Variants in LRRC4B observed in about 807,000 individuals in gnomAD.
The protein encoded by LRRC4B is leucine-rich repeat-containing protein 4B.
Under a neutral mutation model 7.3 loss-of-function variants are expected in LRRC4B, and 1 was observed. The observed-to-expected ratio is 0.14, with a 90% CI of 0.05 to 0.65. The LOEUF (loss-of-function observed/expected upper bound fraction) is 0.65. LRRC4B is among the 30% of genes least tolerant of loss of function. The pLI is 0.84. For missense variants in LRRC4B, 730 were observed against 1,041.6 expected, an observed-to-expected ratio of 0.70 and a Z score of 4.12; for synonymous variants, 500 against 499.2, an observed-to-expected ratio of 1.00 and a Z score of -0.02.
intron 2 of LRRC4B, among the ~76,000 whole-genome samples, chr19:50,532,790 G>A (rs1053024878): frequency 2.4e-4 from 36 of 152,240 alleles, no homozygotes; most frequent in African/African-American, 8.4e-4. Context: ...CCAAATTCGT[G>A]ACAGACTTCG....
chr19:50,547,440 T>C (rs991982936), intron 2 of LRRC4B, among the ~76,000 whole-genome samples: 8 of 151,976 alleles, frequency 5.3e-5, no homozygotes, highest in South Asian at 2.1e-4. Context: ...GCCGCATTTC[T>C]TACGGGAGCT....
intron 2 of LRRC4B, among the ~76,000 whole-genome samples, chr19:50,533,309 C>A (rs954910763): frequency 1.3e-5 from 2 of 152,130 alleles, no homozygotes; most frequent in African/African-American, 4.8e-5. Flanking sequence ...CTTCTCTCTA[C>A]TGTATTAGAA....
chr19:50,537,141 A>G lies in LRRC4B; in HGVS notation c.297+11401T>C, dbSNP rs1981328046. Among the ~76,000 whole-genome samples the G allele has an allele frequency of 1.3e-5, 2 of 152,168 alleles. No individual in the cohort carries two copies. The highest frequency in any genetic ancestry group is 4.8e-5 in the African/African-American group (2 of 41,448). On this transcript the variant is annotated intron_variant, in intron 2 of 2. Coordinates refer to ENST00000652263, the MANE Select transcript of LRRC4B (RefSeq NM_001080457.2). The surrounding 1 kb of genome is among the most constrained non-coding windows in gnomAD (Gnocchi z 5.5). Reference sequence around the variant, plus strand: ...GTCACCAGGGTGCAGCGCCAGGGATAGCTACGAATTAGGAAGCATTACGAA... The same window carrying G: ...GTCACCAGGGTGCAGCGCCAGGGATGGCTACGAATTAGGAAGCATTACGAA...
chr19:50,564,463 G>C (rs1419442437), intron 1 of LRRC4B, among the ~76,000 whole-genome samples: 1 of 151,944 alleles, frequency 6.6e-6, no homozygotes, highest in African/African-American at 2.4e-5. Flanking sequence ...ACAAAGAAGG[G>C]AGGCACAGAG....
At chr19:50,567,826 C>A (rs1401292132) in intron 1 of LRRC4B, 118 bp downstream of exon 1, 1 of 139,924 alleles carries the variant, frequency 7.1e-6, no homozygotes, top group Non-Finnish European at 1.6e-5. Context: ...GCCATCCCCC[C>A]CCATCCCGGA....
chr19:50,517,481 C>T lies in LRRC4B; in HGVS notation c.*90G>A. Reference sequence around the variant, plus strand: ...GCGTGGTCCCAGAAGGTGGGCTGGGCTGTGGGAGGGAGGGGTCCCGGTCAG... The same window carrying T: ...GCGTGGTCCCAGAAGGTGGGCTGGGTTGTGGGAGGGAGGGGTCCCGGTCAG... On this transcript the variant is annotated 3_prime_UTR_variant, in exon 3 of 3. Transcript: ENST00000652263. This position sits in a 1 kb window ranked among gnomAD's most constrained non-coding sequence, Gnocchi z 6.6. 8.5e-7 allele frequency: 1 copy of T among 1,182,994 alleles called. No individual in the cohort carries two copies. The highest frequency in any genetic ancestry group is 1.1e-6 in the Non-Finnish European group (1 of 915,340). The allele number at this position is 1,182,994 out of a possible 1,614,324, so 73.3% of individuals were successfully genotyped here.
chr19:50,518,195 C>G lies in LRRC4B; in HGVS notation c.1518G>C (p.Pro506=). ...CTGGCGGTTCCTTCTCCGTCCCCCG[C>G]GGCTGCAGGGCCTCCTCTCCGGGCT... The part of the protein sequence containing the change: ...ETQPGEEALQ[P]RGTEKEPPGP... Residue 506 remains proline (P), a synonymous_variant, in exon 3 of 3, where the codon CCG becomes CCC. Coordinates refer to ENST00000652263, the MANE Select transcript of LRRC4B (RefSeq NM_001080457.2). 3.1e-6 allele frequency: 5 copies of G among 1,608,486 alleles called. No homozygotes were observed. The highest frequency in any genetic ancestry group is 4.2e-6 in the Non-Finnish European group (5 of 1,178,792).
intron 1 of LRRC4B, among the ~76,000 whole-genome samples, chr19:50,550,108 A>G (rs1212988799): frequency 6.6e-6 from 1 of 152,122 alleles, no homozygotes; most frequent in Non-Finnish European, 1.5e-5. Flanking sequence ...CGGTCATCTC[A>G]TGTGAGCCTC....
chr19:50,526,987 G>A (rs1980837296), intron 2 of LRRC4B, among the ~76,000 whole-genome samples: 1 of 149,990 alleles, frequency 6.7e-6, no homozygotes, highest in African/African-American at 2.4e-5. Flanking sequence ...ATGAGTAGCT[G>A]GGATTACAGG....
rs534655982 is a variant in LRRC4B, at chr19:50,548,815, C to T, written c.24G>A (p.Pro8=). 77 of 1,350,488 alleles carry T rather than the reference C, an allele frequency of 5.7e-5. No homozygotes were observed. The East Asian group carries it at 2.0e-3, about 34-fold the overall frequency. 83.7% of individuals were successfully genotyped at this position (1,350,488 alleles called of 1,614,324 possible). A position where few individuals can be genotyped will look rare whatever the true frequency, so the allele number is the denominator to read the frequency against. MARARGS[P]CPPLPPGRMS... is the part of the protein sequence containing the mutation. The stretch of plus-strand genomic sequence containing the variant: ...TCCTACCGGGCGGCAGCGGGGGGCA[C>T]GGGGAGCCGCGGGCACGCGCCATCC... The change falls in exon 2 of 3, where the codon CCG becomes CCA. Residue 8 remains proline, a synonymous_variant. Coordinates refer to ENST00000652263, the MANE Select transcript of LRRC4B (RefSeq NM_001080457.2). This position sits in a 1 kb window ranked among gnomAD's most constrained non-coding sequence, Gnocchi z 6.8.
intron 1 of LRRC4B, among the ~76,000 whole-genome samples, chr19:50,551,625 A>C (rs2122905374): frequency 9.3e-6 from 1 of 107,048 alleles, no homozygotes; most frequent in Non-Finnish European, 1.9e-5. Context: ...CCCCCTCACA[A>C]TCTTGCCTCC....
intron 2 of LRRC4B, among the ~76,000 whole-genome samples, chr19:50,535,995 G>GT (rs1981266825): frequency 6.6e-6 from 1 of 152,228 alleles, no homozygotes; most frequent in Non-Finnish European, 1.5e-5. Flanking sequence ...TGCGGGTGGG[G>GT]TGGGAGAGTG....
At chr19:50,566,131 A>G (rs1351947357) in intron 1 of LRRC4B, among the ~76,000 whole-genome samples, 1 of 143,418 alleles carries the variant, frequency 7.0e-6, no homozygotes, top group Non-Finnish European at 1.5e-5. Flanking sequence ...AAGGCAGGTT[A>G]GAAGGCGAAG....
At position 50,568,263 on chromosome 19, in the gene LRRC4B, GCTTCCTTCCTTCCAGC is replaced by G. The variant is rs1378739366; in HGVS notation, c.-371_-356del. On this transcript the variant is annotated 5_prime_UTR_variant, in exon 1 of 3. Coordinates refer to ENST00000652263, the MANE Select transcript of LRRC4B (RefSeq NM_001080457.2). ...CCTTTCTTTCCTTCTTTCTTTCCTG[GCTTCCTTCCTTCCAGC>G]CTTCCTTCCTTCCTTCCTCCCTCCT... 2.0e-5 allele frequency among the ~76,000 whole-genome samples: 3 copies of G among 151,370 alleles called. No homozygotes were observed. Among genetic ancestry groups the G allele is most frequent in the East Asian group, 2.0e-4 (1 of 5,054 alleles).
intron 1 of LRRC4B, among the ~76,000 whole-genome samples, chr19:50,566,576 G>T (rs1206953829): frequency 1.5e-5 from 2 of 132,298 alleles, no homozygotes; most frequent in African/African-American, 2.6e-5. Context: ...GGAGGCGAAG[G>T]GGTGGAGGGG....
chr19:50,529,068 C>T (rs1165209486), intron 2 of LRRC4B, among the ~76,000 whole-genome samples: 3 of 152,172 alleles, frequency 2.0e-5, no homozygotes. Flanking sequence ...CCAGGGGACC[C>T]CCCCAGAGCT....
At chr19:50,552,911 G>A (rs999621147) in intron 1 of LRRC4B, among the ~76,000 whole-genome samples, 1 of 152,242 alleles carries the variant, frequency 6.6e-6, no homozygotes, top group Non-Finnish European at 1.5e-5. Context: ...ACATTGGTGA[G>A]TGCCGAGAGG....
At chr19:50,549,617 C>G (rs1426664784) in intron 1 of LRRC4B, among the ~76,000 whole-genome samples, 2 of 152,236 alleles carry the variant, frequency 1.3e-5, no homozygotes, top group Admixed American at 1.3e-4. Flanking sequence ...AGGTGGCAGA[C>G]AAGGCAACCG....
rs752646227 is a variant in LRRC4B, at chr19:50,537,687, C to T, written c.297+10855G>A. ...ACCGCGCCCGGCCGACTGTTCTTTT[C>T]TGTAAGTGTGCTGTGAGTCATCATG... On this transcript the variant is annotated intron_variant, in intron 2 of 2. Transcript: ENST00000652263. The surrounding 1 kb of genome is among the most constrained non-coding windows in gnomAD (Gnocchi z 5.5). Among the ~76,000 whole-genome samples the T allele has an allele frequency of 2.0e-5, 3 of 151,722 alleles. 1 individual carries two copies. Among genetic ancestry groups the T allele is most frequent in the Non-Finnish European group, 4.4e-5 (3 of 67,870 alleles).
Sources: gnomAD v4.1 joint callset for allele counts (sites outside exome capture counted in the v4.1 genomes callset) on GRCh38, gnomAD v4.1.1 for gene constraint, Gnocchi (gnomAD v3.1) non-coding constraint, MANE v1.5 for transcripts, NCBI Gene and HGNC (gene_info 2026-07-23, HGNC 2026-07-21) for gene names.